Variants in RAB11FIP3 observed in about 807,000 individuals in gnomAD.
RAB11FIP3 encodes RAB11 family interacting protein 3.
Under a neutral mutation model 77.8 loss-of-function variants are expected in RAB11FIP3, and 17 were observed. That is an observed-to-expected ratio of 0.22 (90% CI 0.15 to 0.33). The LOEUF (loss-of-function observed/expected upper bound fraction) is 0.33, where lower values mean the gene tolerates loss of function less well. Among genes scored for constraint, RAB11FIP3 ranks in the 10% least tolerant of loss-of-function variants. The pLI is 1.00. For synonymous variants in RAB11FIP3, 437 were observed against 448.2 expected (o/e 0.98, Z 0.31); for missense variants, 1,005 against 1,011.2 (o/e 0.99, Z 0.08).
intron 2 of RAB11FIP3, among the ~76,000 whole-genome samples, chr16:466,213 C>G (rs946483468): frequency 1.3e-5 from 2 of 152,090 alleles, no homozygotes; most frequent in African/African-American, 4.8e-5. Flanking sequence ...TGTGTTCCCT[C>G]GGGAGTCAGG....
chr16:510,252 C>T (rs1360642594), intron 8 of RAB11FIP3, among the ~76,000 whole-genome samples: 3 of 151,920 alleles, frequency 2.0e-5, no homozygotes, highest in Non-Finnish European at 4.4e-5. Flanking sequence ...CGTCCCGAGG[C>T]TCCGTGCCTC....
intron 2 of RAB11FIP3, among the ~76,000 whole-genome samples, chr16:466,725 C>T (rs2055707035): frequency 6.6e-6 from 1 of 152,218 alleles, no homozygotes; most frequent in Admixed American, 6.5e-5. Context: ...CCTGACACGC[C>T]AAGCTGGGGC....
intron 9 of RAB11FIP3, among the ~76,000 whole-genome samples, chr16:512,766 C>T (rs1365540557): frequency 3.3e-5 from 5 of 151,854 alleles, no homozygotes; most frequent in Admixed American, 1.3e-4. Context: ...TAGTCTTGAA[C>T]TCCTGACCTC....
At chr16:450,307 C>T (rs986902940) in intron 1 of RAB11FIP3, among the ~76,000 whole-genome samples, 2 of 152,036 alleles carry the variant, frequency 1.3e-5, no homozygotes, top group East Asian at 1.9e-4. Context: ...GTAGCTGGGA[C>T]CACAAGCATG....
chr16:474,040 T>C lies in RAB11FIP3; in HGVS notation c.903+2651T>C, dbSNP rs1432396101. On this transcript the variant is annotated intron_variant, in intron 3 of 13. Transcript: ENST00000262305. ...GCTTTTTAAGGGTGGGATGTAATTTTCCACAAAGTGGAGTTCGATACTGTG... is the reference window on the plus strand; with the variant it reads ...GCTTTTTAAGGGTGGGATGTAATTTCCCACAAAGTGGAGTTCGATACTGTG... Among the ~76,000 whole-genome samples, 8 of 152,204 alleles carry C rather than the reference T, an allele frequency of 5.3e-5. No homozygotes were observed. The East Asian group carries it at 1.5e-3, about 29-fold the overall frequency.
intron 1 of RAB11FIP3, among the ~76,000 whole-genome samples, chr16:437,720 C>T (rs567121200): frequency 6.0e-4 from 92 of 152,188 alleles, no homozygotes; most frequent in South Asian, 3.3e-3. Flanking sequence ...GCCACGAGCG[C>T]GCAAGACTGT....
chr16:510,136 C>T (rs562964054), intron 8 of RAB11FIP3, among the ~76,000 whole-genome samples: 22 of 144,810 alleles, frequency 1.5e-4, no homozygotes, highest in Non-Finnish European at 2.6e-4. Context: ...TGAGCGCACT[C>T]GTTGTGTGTA....
intron 1 of RAB11FIP3, among the ~76,000 whole-genome samples, chr16:441,988 G>A (rs1488868597): frequency 2.6e-5 from 4 of 152,174 alleles, no homozygotes; most frequent in African/African-American, 4.8e-5. Flanking sequence ...ACAGGCACCC[G>A]CCACCACGCC....
chr16:511,387 G>GT (rs1193889585), intron 9 of RAB11FIP3, among the ~76,000 whole-genome samples: 1 of 118,002 alleles, frequency 8.5e-6, no homozygotes, highest in African/African-American at 3.3e-5. Flanking sequence ...CCAGGTAGGA[G>GT]AGGTTCCCGA....
At chr16:456,439 C>CAA (rs548595166) in intron 1 of RAB11FIP3, among the ~76,000 whole-genome samples, 5 of 105,378 alleles carry the variant, frequency 4.7e-5, no homozygotes, top group African/African-American at 1.3e-4. Flanking sequence ...GACCCTGTCT[C>CAA]AAAAAAAAAA....
At chr16:444,626 T>G (rs963016577) in intron 1 of RAB11FIP3, among the ~76,000 whole-genome samples, 8 of 149,486 alleles carry the variant, frequency 5.4e-5, no homozygotes, top group African/African-American at 2.0e-4. Context: ...GGCAGGTGTT[T>G]TACTTGAGGT....
In RAB11FIP3 at chr16:429,147, G is replaced by A. The variant is rs9673289; in HGVS notation, c.714+2427G>A. On this transcript the variant is annotated intron_variant, in intron 1 of 13. Coordinates refer to ENST00000262305, the MANE Select transcript of RAB11FIP3 (RefSeq NM_014700.4). ...ACAGATAATTTACAGGGTAAAGAAA[G>A]GTTGATTTTCATGTTATGTAACCCT... 5.5e-3 allele frequency among the ~76,000 whole-genome samples: 841 copies of A among 152,194 alleles called. 17 individuals carry two copies. Among genetic ancestry groups the A allele is most frequent in the African/African-American group, 0.019 (776 of 41,482 alleles).
At chr16:504,657 TCCTGCACCCCCCTTACC>T (rs1453745376) in intron 7 of RAB11FIP3, among the ~76,000 whole-genome samples, 1 of 7,644 alleles carries the variant, frequency 1.3e-4, no homozygotes, top group African/African-American at 9.3e-4. Context: ...CCTCACCTCC[TCCTGCACCCCCCTTACC>T]TCCTGTACCC....
Position 521,965 on chromosome 16 carries a change from C to G in RAB11FIP3, c.*1126C>G, listed in dbSNP as rs2032712597. On this transcript the variant is annotated 3_prime_UTR_variant, in exon 14 of 14. Coordinates refer to ENST00000262305, the MANE Select transcript of RAB11FIP3 (RefSeq NM_014700.4). ...CACCCCGCAGGACCGCGGGCCTGCC[C>G]CAACCCCCAGCATTCCCGGGTGGGC... The G allele has an allele frequency of 6.6e-6, 1 of 151,852 alleles. No homozygotes were observed. The highest frequency in any genetic ancestry group is 2.1e-4 in the South Asian group (1 of 4,830). The allele number at this position is 151,852 out of a possible 1,614,324, so 9.4% of individuals were successfully genotyped here.
chr16:458,784 G>T (rs560986769), intron 1 of RAB11FIP3, among the ~76,000 whole-genome samples: 2 of 152,366 alleles, frequency 1.3e-5, no homozygotes, highest in East Asian at 3.9e-4. Flanking sequence ...CTCTGTGGCT[G>T]AATGCTGCCT....
At chr16:438,212 A>G (rs965636242) in intron 1 of RAB11FIP3, among the ~76,000 whole-genome samples, 15 of 151,614 alleles carry the variant, frequency 9.9e-5, no homozygotes, top group African/African-American at 3.4e-4. Context: ...GGTTCAAGCA[A>G]TTCTCCTGCC....
chr16:471,199 T>C lies in RAB11FIP3; in HGVS notation c.809-96T>C. 1 of 1,015,406 alleles carries C rather than the reference T, an allele frequency of 9.8e-7. No homozygotes were observed. Among genetic ancestry groups the C allele is most frequent in the Middle Eastern group, 3.0e-4 (1 of 3,380 alleles). The allele number at this position is 1,015,406 out of a possible 1,614,324, so 62.9% of individuals were successfully genotyped here. ...CCCCCAACTCCCACACATCTGTCCC[T>C]GGGGGCCTCCTTCCCAGGGAGTCCC... On this transcript the variant is annotated intron_variant, in intron 2 of 13. Coordinates refer to ENST00000262305, the MANE Select transcript of RAB11FIP3 (RefSeq NM_014700.4). The surrounding 1 kb of genome is among the most constrained non-coding windows in gnomAD (Gnocchi z 4.4).
chr16:441,248 T>G (rs1248642334), intron 1 of RAB11FIP3, among the ~76,000 whole-genome samples: 2 of 152,218 alleles, frequency 1.3e-5, no homozygotes, highest in Non-Finnish European at 2.9e-5. Flanking sequence ...CCTGGCCCTA[T>G]TTTTCTTCAA....
chr16:445,536 G>T (rs2141870482), intron 1 of RAB11FIP3, among the ~76,000 whole-genome samples: 1 of 152,236 alleles, frequency 6.6e-6, no homozygotes, highest in African/African-American at 2.4e-5. Context: ...TAAAAAAATG[G>T]ACATTCTATA....
Sources: gnomAD v4.1 joint callset for allele counts (sites outside exome capture counted in the v4.1 genomes callset) on GRCh38, gnomAD v4.1.1 for gene constraint, Gnocchi (gnomAD v3.1) non-coding constraint, MANE v1.5 for transcripts, NCBI Gene and HGNC (gene_info 2026-07-23, HGNC 2026-07-21) for gene names.